The following SLX4IP variants were observed in gnomAD, a reference collection of about 807,000 sequenced individuals.
SLX4IP encodes protein SLX4IP.
A neutral mutation model predicts 32.9 loss-of-function variants in SLX4IP; 34 were observed. That is an observed-to-expected ratio of 1.03 (90% CI 0.79 to 1.38). The LOEUF is 1.38. SLX4IP is among the 40% of genes most tolerant of loss of function. SLX4IP has a pLI of 0.00. For synonymous variants in SLX4IP, 172 were observed against 171.7 expected (o/e 1.00, Z -0.01); for missense variants, 444 against 479.0 (o/e 0.93, Z 0.68).
chr20:10,532,028 T>C (rs2065993967), intron 2 of SLX4IP, among the ~76,000 whole-genome samples: 1 of 152,194 alleles, frequency 6.6e-6, no homozygotes, highest in Non-Finnish European at 1.5e-5. Flanking sequence ...TCCCTGACAT[T>C]GGTTTGCAAC....
chr20:10,460,806 C>T (rs1312104873), intron 2 of SLX4IP, among the ~76,000 whole-genome samples: 1 of 152,182 alleles, frequency 6.6e-6, no homozygotes, highest in Non-Finnish European at 1.5e-5. Context: ...GGAGACTACT[C>T]ACCTCAGAAG....
chr20:10,582,020 A>G (rs1050043406), intron 4 of SLX4IP, among the ~76,000 whole-genome samples: 3 of 152,186 alleles, frequency 2.0e-5, no homozygotes, highest in Non-Finnish European at 4.4e-5. Flanking sequence ...CGTGGGGTGG[A>G]TCTCCAGGAA....
At chr20:10,602,674 A>G (rs545036876) in intron 6 of SLX4IP, among the ~76,000 whole-genome samples, 47 of 152,362 alleles carry the variant, frequency 3.1e-4, no homozygotes, top group Admixed American at 1.2e-3. Flanking sequence ...GAAGTGTGAC[A>G]TGATTATTAT....
At chr20:10,457,276 C>G (rs1177624171) in intron 1 of SLX4IP, among the ~76,000 whole-genome samples, 1 of 152,084 alleles carries the variant, frequency 6.6e-6, no homozygotes, top group African/African-American at 2.4e-5. Flanking sequence ...GCAGACGTTT[C>G]ATGTAAAGAC....
At chr20:10,436,867 C>T (rs1038157292) in intron 1 of SLX4IP, among the ~76,000 whole-genome samples, 1 of 151,476 alleles carries the variant, frequency 6.6e-6, no homozygotes, top group African/African-American at 2.4e-5. Flanking sequence ...GTTATAACAT[C>T]TGAAATGTAG....
intron 2 of SLX4IP, among the ~76,000 whole-genome samples, chr20:10,517,926 A>G (rs577514218): frequency 1.3e-5 from 2 of 152,262 alleles, no homozygotes; most frequent in South Asian, 4.1e-4. Flanking sequence ...GTGAAATTTT[A>G]TTTCTCCCAA....
At chr20:10,486,944 C>A (rs1393005980) in intron 2 of SLX4IP, among the ~76,000 whole-genome samples, 3 of 148,642 alleles carry the variant, frequency 2.0e-5, no homozygotes, top group African/African-American at 7.4e-5. Context: ...TTTGAATAAT[C>A]TCTTGAGGGT....
At chr20:10,580,003 T>A (rs2066565480) in intron 4 of SLX4IP, among the ~76,000 whole-genome samples, 1 of 152,196 alleles carries the variant, frequency 6.6e-6, no homozygotes, top group African/African-American at 2.4e-5. Context: ...GAGATTTAGA[T>A]TAAATTAAAC....
At chr20:10,584,937 G>C (rs1241664235) in intron 4 of SLX4IP, among the ~76,000 whole-genome samples, 6 of 152,136 alleles carry the variant, frequency 3.9e-5, no homozygotes. Context: ...AAATTAAGAG[G>C]AATGTCTGTT....
intron 4 of SLX4IP, among the ~76,000 whole-genome samples, chr20:10,572,217 G>T (rs2066474925): frequency 6.6e-6 from 1 of 152,188 alleles, no homozygotes; most frequent in African/African-American, 2.4e-5. Flanking sequence ...CCAAAGATCA[G>T]ATACTAGCTA....
rs368744884 is a variant in SLX4IP at position 10,601,839 on chromosome 20, A to C, written c.405+20A>C. On this transcript the variant is annotated intron_variant, in intron 6 of 7. Transcript: ENST00000334534. ...GATTTGGTGAGTATGAAAAAATTCT[A>C]TAAACAAATAAGTCTGCTTAAATGC... The C allele has an allele frequency of 3.8e-6, 6 of 1,591,902 alleles. No individual in the cohort carries two copies. The highest frequency in any genetic ancestry group is 5.2e-6 in the Non-Finnish European group (6 of 1,160,276).
chr20:10,488,687 A>G (rs890547651), intron 2 of SLX4IP, among the ~76,000 whole-genome samples: 5 of 152,174 alleles, frequency 3.3e-5, no homozygotes, highest in African/African-American at 1.2e-4. Flanking sequence ...CTGATGATTA[A>G]CACTTCAAAG....
At chr20:10,574,236 A>G (rs770776678) in intron 4 of SLX4IP, among the ~76,000 whole-genome samples, 24 of 150,470 alleles carry the variant, frequency 1.6e-4, no homozygotes, top group Non-Finnish European at 3.2e-4. Context: ...TTAAAATTCA[A>G]AAAAACGTGA....
intron 2 of SLX4IP, among the ~76,000 whole-genome samples, chr20:10,493,681 C>G (rs2122400962): frequency 6.6e-6 from 1 of 151,994 alleles, no homozygotes; most frequent in South Asian, 2.1e-4. Flanking sequence ...TTATTCCTGT[C>G]TTGTGCCTGA....
At chr20:10,518,368 TC>T (rs2065868310) in intron 2 of SLX4IP, among the ~76,000 whole-genome samples, 1 of 101,468 alleles carries the variant, frequency 9.9e-6, no homozygotes, top group Non-Finnish European at 2.6e-5. Context: ...TCTTTCTTTC[TC>T]TCTCTCTTTC....
At chr20:10,445,222 T>G (rs1038253703) in intron 1 of SLX4IP, among the ~76,000 whole-genome samples, 2 of 151,950 alleles carry the variant, frequency 1.3e-5, no homozygotes, top group African/African-American at 4.8e-5. Flanking sequence ...TTGCCAGACC[T>G]GCAGAGACTT....
At chr20:10,554,139 A>T (rs1282854583) in intron 2 of SLX4IP, among the ~76,000 whole-genome samples, 1 of 152,226 alleles carries the variant, frequency 6.6e-6, no homozygotes, top group Non-Finnish European at 1.5e-5. Context: ...CCCCCTGGGA[A>T]ATTACTGTTT....
intron 2 of SLX4IP, among the ~76,000 whole-genome samples, chr20:10,510,131 A>T (rs2065794157): frequency 6.6e-6 from 1 of 152,238 alleles, no homozygotes; most frequent in Admixed American, 6.5e-5. Context: ...AATTAAAAGG[A>T]AGAATAACAA....
intron 1 of SLX4IP, among the ~76,000 whole-genome samples, chr20:10,438,822 G>C (rs924200800): frequency 2.8e-4 from 42 of 151,816 alleles, no homozygotes; most frequent in Non-Finnish European, 1.3e-4. Flanking sequence ...GCTTTTTGGG[G>C]GGTACGGGTT....
Sources: allele counts gnomAD v4.1 joint callset (sites outside exome capture counted in the v4.1 genomes callset), GRCh38; gene constraint gnomAD v4.1.1; transcripts MANE v1.5; gene names NCBI Gene and HGNC (gene_info 2026-07-23, HGNC 2026-07-21).